BRCA1: variants seen among roughly 807,000 people sequenced by gnomAD.
The protein encoded by BRCA1 is breast cancer type 1 susceptibility protein.
BRCA1 carries 140 observed loss-of-function variants against 173.7 expected under a neutral mutation model. The observed-to-expected ratio is 0.81, with a 90% CI of 0.70 to 0.93. The LOEUF (loss-of-function observed/expected upper bound fraction) is 0.93, where lower values mean the gene tolerates loss of function less well. Ranked by LOEUF, BRCA1 falls within the 40% of genes least tolerant of loss-of-function variation. The probability of loss-of-function intolerance (pLI) is 0.00; values close to 1 mark genes in which losing one functional copy is unlikely to be tolerated. For synonymous variants in BRCA1, 662 were observed against 756.0 expected, an observed-to-expected ratio of 0.88 and a Z score of 2.04; for missense variants, 1,983 against 2,172.5, an observed-to-expected ratio of 0.91 and a Z score of 1.73.
intron 1 of BRCA1, chr17:43,124,777 G>T: frequency 8.8e-6 from 2 of 227,320 alleles, no homozygotes; most frequent in Non-Finnish European, 1.8e-5. Context: ...GTTTTGTTTT[G>T]AGACAGTCTC....
chr17:43,107,941 T>C (rs2154557385), intron 3 of BRCA1, among the ~76,000 whole-genome samples: 1 of 151,878 alleles, frequency 6.6e-6, no homozygotes, highest in East Asian at 1.9e-4. Context: ...TCCTGCAAAA[T>C]AAAACATAAA....
At chr17:43,118,719 G>A (rs1353705465) in intron 2 of BRCA1, among the ~76,000 whole-genome samples, 2 of 151,472 alleles carry the variant, frequency 1.3e-5, no homozygotes, top group Admixed American at 1.3e-4. Context: ...TTACAGGTGT[G>A]AGCTACTATA....
intron 1 of BRCA1, among the ~76,000 whole-genome samples, chr17:43,153,866 G>A (rs2037076): frequency 0.32 from 48,129 of 152,052 alleles, 7,945 homozygotes; most frequent in South Asian, 0.49. Context: ...CAGTGTAGTA[G>A]GTACTCACTA....
chr17:43,149,859 G>C (rs889979630), intron 1 of BRCA1, among the ~76,000 whole-genome samples: 5 of 152,100 alleles, frequency 3.3e-5, no homozygotes, highest in Non-Finnish European at 5.9e-5. Context: ...CATGATCTCA[G>C]CTCACTGCAT....
At chr17:43,147,085 A>G (rs994889202) in intron 1 of BRCA1, among the ~76,000 whole-genome samples, 21 of 151,998 alleles carry the variant, frequency 1.4e-4, no homozygotes, top group African/African-American at 4.3e-4. Context: ...GCTCACCGCA[A>G]CCTCTGCCTC....
intron 12 of BRCA1, among the ~76,000 whole-genome samples, chr17:43,081,042 G>A (rs2154129799): frequency 6.6e-6 from 1 of 152,290 alleles, no homozygotes; most frequent in Middle Eastern, 3.4e-3. Context: ...AAGCATTTCA[G>A]TTACAGATCT....
chr17:43,136,414 C>G (rs569445601), intron 1 of BRCA1, among the ~76,000 whole-genome samples: 2 of 152,238 alleles, frequency 1.3e-5, no homozygotes, highest in East Asian at 3.9e-4. Flanking sequence ...GCAGTGGCAA[C>G]AAAAGCCAAA....
intron 18 of BRCA1, among the ~76,000 whole-genome samples, chr17:43,058,559 C>T (rs779225529): frequency 5.9e-5 from 9 of 152,290 alleles, no homozygotes; most frequent in East Asian, 1.9e-4. Context: ...ACTTAACAAT[C>T]GGCTTTTCAC....
At chr17:43,157,821 A>AC (rs1285716594) in intron 1 of BRCA1, among the ~76,000 whole-genome samples, 2 of 151,938 alleles carry the variant, frequency 1.3e-5, no homozygotes, top group Non-Finnish European at 2.9e-5. Context: ...ACATGGAGAC[A>AC]CCCCGTCTCT....
At chr17:43,063,478 A>G in intron 17 of BRCA1, 105 bp from the exon 18 acceptor site, 1 of 935,548 alleles carries the variant, frequency 1.1e-6, no homozygotes, top group Non-Finnish European at 1.7e-6. Flanking sequence ...GAAGAATGAC[A>G]GAGGAGAGGT....
rs781561618 is a variant in BRCA1 at position 43,090,904 on chromosome 17, A to C, written c.4185+40T>G. 23 of 1,544,008 alleles carry C rather than the reference A, an allele frequency of 1.5e-5. 1 individual carries two copies. In the Admixed American group the frequency reaches 3.8e-4, roughly 25 times the overall value. On this transcript the variant is annotated intron_variant, in intron 11 of 22. Coordinates refer to ENST00000357654, the MANE Select transcript of BRCA1 (RefSeq NM_007294.4). Reference sequence around the variant, plus strand: ...ATACATACTACTGAATGCAAAGGACACCACACACACGCATGTGCACACACA... The same window carrying C: ...ATACATACTACTGAATGCAAAGGACCCCACACACACGCATGTGCACACACA...
intron 6 of BRCA1, among the ~76,000 whole-genome samples, chr17:43,100,676 A>G (rs1405575555): frequency 7.2e-5 from 2 of 27,924 alleles, no homozygotes; most frequent in African/African-American, 3.1e-4. Context: ...ATATATATAT[A>G]TAATATATAT....
At chr17:43,063,267 C>G (rs2051845747) in intron 18 of BRCA1, 66 bp downstream of exon 18, 1 of 1,345,290 alleles carries the variant, frequency 7.4e-7, no homozygotes, top group Non-Finnish European at 1.1e-6. Flanking sequence ...TGGAAGGAAG[C>G]AAATACATTT....
At chr17:43,154,694 C>T (rs2056185533) in intron 1 of BRCA1, among the ~76,000 whole-genome samples, 2 of 152,162 alleles carry the variant, frequency 1.3e-5, no homozygotes, top group East Asian at 3.9e-4. Flanking sequence ...GTATCTACTA[C>T]TATATTCAAG....
At chr17:43,149,161 C>T (rs1189234256) in intron 1 of BRCA1, among the ~76,000 whole-genome samples, 14 of 151,496 alleles carry the variant, frequency 9.2e-5, no homozygotes, top group Admixed American at 4.6e-4. Context: ...TGCAGTGGCA[C>T]GATCTCGGCT....
chr17:43,157,559 G>A (rs148903707), intron 1 of BRCA1, among the ~76,000 whole-genome samples: 23 of 152,180 alleles, frequency 1.5e-4, no homozygotes, highest in African/African-American at 4.1e-4. Context: ...AGCTGGGCAT[G>A]GTGGCACACG....
chr17:43,136,456 G>A (rs540052812), intron 1 of BRCA1, among the ~76,000 whole-genome samples: 1 of 152,310 alleles, frequency 6.6e-6, no homozygotes, highest in East Asian at 1.9e-4. Context: ...AAACTAAAGA[G>A]CTTCTGCACA....
upstream of BRCA1, among the ~76,000 whole-genome samples, chr17:43,127,367 C>G (rs2055916845): frequency 1.3e-5 from 2 of 152,334 alleles, no homozygotes; most frequent in African/African-American, 2.4e-5. Context: ...CCAATCAGCA[C>G]TCTGTATCTA....
At chr17:43,125,383 CG>C (rs1260285579), upstream of BRCA1, 4 of 409,436 alleles carry the variant, frequency 9.8e-6, no homozygotes, top group Non-Finnish European at 2.0e-5. Context: ...GCCGCGCAGT[CG>C]CAGTTTTAAT....
Sources: allele counts gnomAD v4.1 joint callset (sites outside exome capture counted in the v4.1 genomes callset), GRCh38; gene constraint gnomAD v4.1.1; transcripts MANE v1.5; gene names NCBI Gene and HGNC (gene_info 2026-07-23, HGNC 2026-07-21).